Variants in RIC1 observed in about 807,000 individuals in gnomAD.
The protein encoded by RIC1 is guanine nucleotide exchange factor subunit RIC1.
A neutral mutation model predicts 169.0 loss-of-function variants in RIC1; 88 were observed. That is an observed-to-expected ratio of 0.52 (90% CI 0.44 to 0.62). The LOEUF is 0.62. RIC1 is among the 20% of genes least tolerant of loss of function. The probability of loss-of-function intolerance (pLI) is 0.00; values close to 1 mark genes in which losing one functional copy is unlikely to be tolerated. For missense variants in RIC1, 1,877 were observed against 1,725.5 expected, an observed-to-expected ratio of 1.09 and a Z score of -1.56; for synonymous variants, 790 against 601.5, an observed-to-expected ratio of 1.31 and a Z score of -4.59.
At chr9:5,719,955 T>G (rs1321081654) in intron 4 of RIC1, among the ~76,000 whole-genome samples, 2 of 152,236 alleles carry the variant, frequency 1.3e-5, no homozygotes, top group Admixed American at 1.3e-4. Context: ...TTAACTAGTT[T>G]TATCAGTTAT....
intron 1 of RIC1, among the ~76,000 whole-genome samples, chr9:5,643,375 C>A (rs546095694): frequency 6.6e-6 from 1 of 151,868 alleles, no homozygotes; most frequent in East Asian, 1.9e-4. Flanking sequence ...TTGAGTGATT[C>A]TATATGAATG....
intron 6 of RIC1, among the ~76,000 whole-genome samples, chr9:5,725,550 C>CT (rs1823918341): frequency 1.3e-5 from 2 of 152,104 alleles, no homozygotes; most frequent in South Asian, 4.1e-4. Context: ...TTTTATGTCT[C>CT]TATCTCCTTC....
chr9:5,725,245 G>T (rs1025165278), intron 6 of RIC1, among the ~76,000 whole-genome samples: 1 of 152,052 alleles, frequency 6.6e-6, no homozygotes, highest in Non-Finnish European at 1.5e-5. Flanking sequence ...GCCTGTTATT[G>T]GTCTATTCAG....
chr9:5,680,815 ATTTTTTTTTTTTTTTTTT>A (rs66478510), intron 2 of RIC1, among the ~76,000 whole-genome samples: 3 of 57,738 alleles, frequency 5.2e-5, no homozygotes, highest in Admixed American at 2.3e-4. Flanking sequence ...GCAGTCATTG[ATTTTTTTTTTTTTTTTTT>A]TTTTTTTTTT....
intron 5 of RIC1, 26 bp downstream of exon 5, chr9:5,720,350 G>C (rs67224342): frequency 0.026 from 40,938 of 1,591,706 alleles, 838 homozygotes; most frequent in African/African-American, 0.1. Flanking sequence ...ACATGAGGTT[G>C]AACCAGTTGT....
rs930585539 is a variant in RIC1, at chr9:5,683,759, G to A, written c.253-6200G>A. On this transcript the variant is annotated intron_variant, in intron 2 of 25. Coordinates refer to ENST00000414202, the MANE Select transcript of RIC1 (RefSeq NM_020829.4). The stretch of plus-strand genomic sequence containing the variant: ...GCCCCCAGAGGTGGAGACTGCTGAG[G>A]AAGGCGGGCCTCCTTGAGCTGTGGT... 1.7e-4 allele frequency among the ~76,000 whole-genome samples: 26 copies of A among 152,166 alleles called. 1 individual carries two copies. Among genetic ancestry groups the A allele is most frequent in the Non-Finnish European group, 3.7e-4 (25 of 68,028 alleles).
chr9:5,713,402 C>T (rs1436786389), intron 3 of RIC1: 1 of 152,394 alleles, frequency 6.6e-6, no homozygotes, highest in Non-Finnish European at 1.5e-5. Context: ...ACTTGTGAAA[C>T]ATCTCCTAAT....
In RIC1 at chr9:5,739,807, A is replaced by T. The variant is rs186562954; in HGVS notation, c.901+1269A>T. ...TCACCAGAGTTTACAAACTCAGTGA[A>T]TCTAGCTTCATCAGGGTCCTCCCAC... is the stretch of plus-strand genomic sequence containing the variant. On this transcript the variant is annotated intron_variant, in intron 8 of 25. Transcript: ENST00000414202. Among the ~76,000 whole-genome samples, 12 of 152,260 alleles carry T rather than the reference A, an allele frequency of 7.9e-5. No homozygotes were observed. The East Asian group carries it at 2.3e-3, about 29-fold the overall frequency.
intron 18 of RIC1, among the ~76,000 whole-genome samples, chr9:5,762,894 A>G (rs1543527): frequency 0.41 from 62,344 of 151,952 alleles, 13,094 homozygotes; most frequent in East Asian, 0.59. Flanking sequence ...CATTCATTGC[A>G]AATTCTAATG....
intron 7 of RIC1, among the ~76,000 whole-genome samples, chr9:5,736,331 A>G (rs976004220): frequency 6.6e-6 from 1 of 152,242 alleles, no homozygotes; most frequent in South Asian, 2.1e-4. Flanking sequence ...CCCACCTGAT[A>G]CAGCCAAGAA....
At chr9:5,739,233 A>C (rs938606373) in intron 8 of RIC1, among the ~76,000 whole-genome samples, 1 of 152,176 alleles carries the variant, frequency 6.6e-6, no homozygotes, top group Admixed American at 6.6e-5. Context: ...AAGGGAGATC[A>C]GGCATTTCCA....
chr9:5,674,257 T>A (rs1820301103), intron 2 of RIC1, among the ~76,000 whole-genome samples: 1 of 152,018 alleles, frequency 6.6e-6, no homozygotes, highest in Non-Finnish European at 1.5e-5. Flanking sequence ...AATTTGTCAT[T>A]CATAAAAAAA....
At chr9:5,748,782 C>T (rs1825541445) in intron 12 of RIC1, 1 of 152,536 alleles carries the variant, frequency 6.6e-6, no homozygotes, top group South Asian at 2.1e-4. Context: ...CTCAAAAACT[C>T]AGTGATTCTG....
intron 2 of RIC1, among the ~76,000 whole-genome samples, chr9:5,658,825 G>GTTTTTTTGT (rs1554660012): frequency 2.2e-5 from 3 of 138,286 alleles, no homozygotes; most frequent in Admixed American, 1.4e-4. Flanking sequence ...AAGTTTTTTT[G>GTTTTTTTGT]TTTTTTTTTT....
At chr9:5,700,469 T>G (rs903289248) in intron 3 of RIC1, among the ~76,000 whole-genome samples, 9 of 152,142 alleles carry the variant, frequency 5.9e-5, no homozygotes, top group Non-Finnish European at 1.2e-4. Flanking sequence ...GCTCAAACTT[T>G]TAAGTTCCAT....
At position 5,753,662 on chromosome 9, in the gene RIC1, G is replaced by T; in HGVS notation, c.1602+16G>T. 1 of 1,303,730 alleles carries T rather than the reference G, an allele frequency of 7.7e-7. No individual in the cohort carries two copies. The highest frequency in any genetic ancestry group is 1.1e-6 in the Non-Finnish European group (1 of 914,512). The allele number at this position is 1,303,730 out of a possible 1,614,324, so 80.8% of individuals were successfully genotyped here. ...CATTACCCAGGTTAGTCTTTTTTGA[G>T]ATTAAAAACCTATTTCTCAAAGTAT... On this transcript the variant is annotated intron_variant, in intron 14 of 25. Coordinates refer to ENST00000414202, the MANE Select transcript of RIC1 (RefSeq NM_020829.4).
intron 2 of RIC1, among the ~76,000 whole-genome samples, chr9:5,664,402 A>G (rs1819632813): frequency 6.6e-6 from 1 of 150,482 alleles, no homozygotes. Flanking sequence ...ACGGAGCGAG[A>G]CTCTGTCAAA....
intron 1 of RIC1, among the ~76,000 whole-genome samples, chr9:5,646,326 T>C (rs1481260678): frequency 2.0e-5 from 3 of 152,164 alleles, no homozygotes; most frequent in African/African-American, 7.2e-5. Context: ...ATCAGATATG[T>C]GGTTTCTAAT....
At chr9:5,754,425 G>T (rs1825885541) in intron 14 of RIC1, among the ~76,000 whole-genome samples, 1 of 152,074 alleles carries the variant, frequency 6.6e-6, no homozygotes, top group African/African-American at 2.4e-5. Context: ...GGGAGTAAGA[G>T]CAGAAATAAT....
Sources: allele counts gnomAD v4.1 joint callset (sites outside exome capture counted in the v4.1 genomes callset), GRCh38; gene constraint gnomAD v4.1.1; transcripts MANE v1.5; gene names NCBI Gene and HGNC (gene_info 2026-07-23, HGNC 2026-07-21).